The following MCCC2 variants were observed in gnomAD, a reference collection of about 807,000 sequenced individuals.
The protein encoded by MCCC2 is methylcrotonoyl-CoA carboxylase beta chain, mitochondrial.
A neutral mutation model predicts 77.2 loss-of-function variants in MCCC2; 52 were observed. That is an observed-to-expected ratio of 0.67 (90% CI 0.54 to 0.85). The LOEUF (loss-of-function observed/expected upper bound fraction) is 0.85, where lower values mean the gene tolerates loss of function less well. Among genes scored for constraint, MCCC2 ranks in the 40% least tolerant of loss-of-function variants. The pLI is 0.00. For synonymous variants in MCCC2, 253 were observed against 248.4 expected (o/e 1.02, Z -0.18); for missense variants, 682 against 703.2 (o/e 0.97, Z 0.34).
At chr5:71,603,474 A>G (rs1198938649) in intron 5 of MCCC2, among the ~76,000 whole-genome samples, 1 of 151,538 alleles carries the variant, frequency 6.6e-6, no homozygotes, top group African/African-American at 2.4e-5. Flanking sequence ...GTCTGATAAA[A>G]TTCCAACATA....
chr5:71,611,882 G>A (rs945327596), intron 6 of MCCC2, among the ~76,000 whole-genome samples: 37 of 150,724 alleles, frequency 2.5e-4, no homozygotes, highest in African/African-American at 7.3e-4. Flanking sequence ...TTTGCCTCCC[G>A]GGTTCACGCT....
At chr5:71,651,473 A>G (rs940236833) in intron 15 of MCCC2, among the ~76,000 whole-genome samples, 1 of 152,210 alleles carries the variant, frequency 6.6e-6, no homozygotes, top group Non-Finnish European at 1.5e-5. Context: ...AGCACCAAGT[A>G]TGAAGATGAT....
intron 6 of MCCC2, among the ~76,000 whole-genome samples, chr5:71,619,966 G>A (rs1746303242): frequency 6.6e-6 from 1 of 151,712 alleles, no homozygotes; most frequent in African/African-American, 2.4e-5. Flanking sequence ...ACTCCAGCCT[G>A]GGCGACAGAG....
At chr5:71,628,561 T>C (rs1746610295) in intron 7 of MCCC2, among the ~76,000 whole-genome samples, 2 of 152,226 alleles carry the variant, frequency 1.3e-5, no homozygotes, top group South Asian at 4.1e-4. Context: ...TTTTTGGGTG[T>C]GGGATAAGGA....
intron 10 of MCCC2, among the ~76,000 whole-genome samples, chr5:71,636,894 C>T (rs1746951888): frequency 1.3e-5 from 2 of 151,682 alleles, no homozygotes; most frequent in African/African-American, 2.4e-5. Context: ...CAGGCACCCG[C>T]CACCATACCT....
intron 11 of MCCC2, 90 bp from the exon 12 acceptor site, chr5:71,643,729 A>G (rs775641579): frequency 2.7e-5 from 44 of 1,611,386 alleles, no homozygotes; most frequent in Non-Finnish European, 3.7e-5. Context: ...TGGATCTGAT[A>G]TTAAAGAATG....
Position 71,610,231 on chromosome 5 carries a change from G to T in MCCC2, c.624+5763G>T, listed in dbSNP as rs1421197210. On this transcript the variant is annotated intron_variant, in intron 6 of 16. Transcript: ENST00000340941. The stretch of plus-strand genomic sequence containing the variant: ...TAGCAATCAGCGAGACTCCGTGGGC[G>T]TAGGACCCTCCGAGCCAGGTGCGGG... 4.6e-5 allele frequency among the ~76,000 whole-genome samples: 7 copies of T among 152,342 alleles called. No homozygotes were observed. The East Asian group carries it at 1.4e-3, about 29-fold the overall frequency.
intron 1 of MCCC2, among the ~76,000 whole-genome samples, chr5:71,590,554 G>T (rs10942705): frequency 6.6e-6 from 1 of 152,118 alleles, no homozygotes; most frequent in Non-Finnish European, 1.5e-5. Flanking sequence ...TGGTGGCTCA[G>T]GCCTGTAATC....
chr5:71,603,375 C>T (rs1003676088), intron 5 of MCCC2, among the ~76,000 whole-genome samples: 1 of 139,222 alleles, frequency 7.2e-6, no homozygotes, highest in Non-Finnish European at 1.5e-5. Flanking sequence ...GAAATCGTGC[C>T]ACTGTACTCC....
intron 11 of MCCC2, chr5:71,641,318 T>G: frequency 2.0e-6 from 1 of 499,790 alleles, no homozygotes; most frequent in Non-Finnish European, 3.6e-6. Context: ...TCTGTGACTT[T>G]GTGACATTAG....
intron 6 of MCCC2, among the ~76,000 whole-genome samples, chr5:71,623,712 G>C (rs957212022): frequency 1.3e-5 from 2 of 152,178 alleles, no homozygotes; most frequent in African/African-American, 4.8e-5. Context: ...CGGGTTTGGG[G>C]GGACCATTTT....
At chr5:71,597,545 G>A (rs1745236351) in intron 3 of MCCC2, among the ~76,000 whole-genome samples, 6 of 152,132 alleles carry the variant, frequency 3.9e-5, no homozygotes, top group Admixed American at 3.3e-4. Context: ...AGTAGTGGTG[G>A]TGGCAGGAGT....
At chr5:71,618,485 CCTT>C (rs1313050133) in intron 6 of MCCC2, among the ~76,000 whole-genome samples, 3 of 145,712 alleles carry the variant, frequency 2.1e-5, no homozygotes, top group Non-Finnish European at 4.5e-5. Flanking sequence ...TTCCTTCTTT[CCTT>C]CTTCCTTCCT....
In MCCC2 at chr5:71,618,542, TTCCTTC is replaced by T. The variant is rs1480638651; in HGVS notation, c.625-8097_625-8092del. 3.3e-3 allele frequency among the ~76,000 whole-genome samples: 196 copies of T among 60,082 alleles called. 2 individuals are homozygous for T. Among genetic ancestry groups the T allele is most frequent in the African/African-American group, 9.5e-3 (183 of 19,170 alleles). The allele number at this position is 60,082 out of a possible 152,430, so 39.4% of individuals were successfully genotyped here. The stretch of plus-strand genomic sequence containing the variant: ...CTTCCTTCCTTCCTTCCTTCCTTCC[TTCCTTC>T]CTTTCTTTCTTTCTCTTTCTTTTTG... On this transcript the variant is annotated intron_variant, in intron 6 of 16. Transcript: ENST00000340941.
At chr5:71,637,070 G>A (rs894964513) in intron 10 of MCCC2, among the ~76,000 whole-genome samples, 8 of 152,128 alleles carry the variant, frequency 5.3e-5, no homozygotes, top group African/African-American at 1.7e-4. Context: ...TAAAAAAAAT[G>A]TATTAAAGTT....
chr5:71,633,118 TATATA>T (rs1561841347), intron 8 of MCCC2, among the ~76,000 whole-genome samples: 12 of 113,558 alleles, frequency 1.1e-4, no homozygotes, highest in African/African-American at 3.2e-4. Flanking sequence ...TATATATATA[TATATA>T]TATATATATT....
In MCCC2 at chr5:71,596,309, A is replaced by G. The variant is rs140027063; in HGVS notation, c.226A>G (p.Ile76Val). 9 of 1,614,172 alleles carry G rather than the reference A, an allele frequency of 5.6e-6. No homozygotes were observed. Among genetic ancestry groups the G allele is most frequent in the South Asian group, 1.1e-5 (1 of 91,080 alleles). Residue 76 changes from isoleucine (I) to valine (V), a missense_variant, in exon 3 of 17, where the codon ATA (isoleucine) becomes GTA (valine). By Grantham distance (29) the Ile-to-Val change is conservative. Coordinates refer to ENST00000340941, the MANE Select transcript of MCCC2 (RefSeq NM_022132.5). ...TGGTGAGAAAGCCCGAGCACTTCACATATCAAGAGGAAAACTATTGCCCAG... is the reference window on the plus strand; with the variant it reads ...TGGTGAGAAAGCCCGAGCACTTCACGTATCAAGAGGAAAACTATTGCCCAG... ...GGGEKARALH[I>V]SRGKLLPRER...
chr5:71,594,382 G>T (rs980988781), intron 2 of MCCC2, among the ~76,000 whole-genome samples: 5 of 152,136 alleles, frequency 3.3e-5, no homozygotes, highest in Non-Finnish European at 7.3e-5. Context: ...TACAAAATTA[G>T]CTGGGTGTGG....
intron 6 of MCCC2, among the ~76,000 whole-genome samples, chr5:71,618,499 T>TCCTTCCTTCCTTCCTG (rs1554136058): frequency 1.0e-3 from 36 of 35,302 alleles, no homozygotes; most frequent in African/African-American, 2.7e-3. Flanking sequence ...CTTCCTTCCT[T>TCCTTCCTTCCTTCCTG]CCTTCCTTCC....
Sources: gnomAD v4.1 joint callset for allele counts (sites outside exome capture counted in the v4.1 genomes callset) on GRCh38, gnomAD v4.1.1 for gene constraint, MANE v1.5 for transcripts, NCBI Gene and HGNC (gene_info 2026-07-23, HGNC 2026-07-21) for gene names.